The following PPP2R3A variants were observed in gnomAD, a reference collection of about 807,000 sequenced individuals.
PPP2R3A encodes protein phosphatase 2 regulatory subunit B''alpha.
In PPP2R3A, 80 loss-of-function variants were observed where a neutral mutation model predicts 106.9. The observed-to-expected ratio is 0.75, with a 90% CI of 0.62 to 0.90. PPP2R3A has a LOEUF of 0.90. Among genes scored for constraint, PPP2R3A ranks in the 40% least tolerant of loss-of-function variants. PPP2R3A has a pLI of 0.00. For synonymous variants in PPP2R3A, 483 were observed against 468.3 expected, an observed-to-expected ratio of 1.03 and a Z score of -0.41; for missense variants, 1,386 against 1,350.4, an observed-to-expected ratio of 1.03 and a Z score of -0.41.
intron 4 of PPP2R3A, among the ~76,000 whole-genome samples, chr3:136,044,132 T>C (rs918143567): frequency 6.6e-6 from 1 of 152,236 alleles, no homozygotes; most frequent in Non-Finnish European, 1.5e-5. Flanking sequence ...AGGTGGCTCC[T>C]ATTAGCATCT....
At chr3:136,039,419 A>C (rs1353640774) in intron 3 of PPP2R3A, among the ~76,000 whole-genome samples, 1 of 152,182 alleles carries the variant, frequency 6.6e-6, no homozygotes, top group African/African-American at 2.4e-5. Context: ...AGCGGTCCCC[A>C]ACCTTTTTGG....
chr3:136,036,555 C>G (rs1481765924), intron 3 of PPP2R3A, among the ~76,000 whole-genome samples: 1 of 152,204 alleles, frequency 6.6e-6, no homozygotes, highest in East Asian at 1.9e-4. Flanking sequence ...GCACAGCGTC[C>G]TGTGATGTGA....
chr3:136,043,554 C>A (rs1935370294), intron 4 of PPP2R3A, among the ~76,000 whole-genome samples: 1 of 152,186 alleles, frequency 6.6e-6, no homozygotes, highest in Admixed American at 6.5e-5. Context: ...CTCTGTTCCA[C>A]TTCCTTTCCC....
At chr3:136,047,627 C>T (rs764863491) in intron 4 of PPP2R3A, among the ~76,000 whole-genome samples, 4 of 152,146 alleles carry the variant, frequency 2.6e-5, no homozygotes, top group East Asian at 1.9e-4. Flanking sequence ...ACAGGCCGGG[C>T]GTGGTGGCTC....
intron 2 of PPP2R3A, among the ~76,000 whole-genome samples, chr3:136,013,431 A>G (rs146265899): frequency 2.4e-3 from 369 of 152,210 alleles, no homozygotes; most frequent in African/African-American, 8.3e-3. Context: ...GAATTTTCAT[A>G]CTGTTTTCCA....
chr3:136,123,963 C>G (rs934054181), intron 13 of PPP2R3A, among the ~76,000 whole-genome samples: 1 of 152,128 alleles, frequency 6.6e-6, no homozygotes, highest in Non-Finnish European at 1.5e-5. Flanking sequence ...CAGGTGTACA[C>G]AGAACTTTTC....
In PPP2R3A at chr3:136,001,442, T is replaced by G. The variant is rs1933616360; in HGVS notation, c.-57T>G. On this transcript the variant is annotated 5_prime_UTR_variant, in exon 2 of 14. It adds an upstream start codon to the 5' untranslated region. Transcript: ENST00000264977. ...TCAGCTAACTGTCATTTAGGAGAAT[T>G]TTCATGAAACAAGTTCTAGAAAGTT... 18 of 1,426,322 alleles carry G rather than the reference T, an allele frequency of 1.3e-5. No homozygotes were observed. The South Asian group carries it at 2.0e-4, about 15-fold the overall frequency. 88.4% of individuals were successfully genotyped at this position (1,426,322 alleles called of 1,614,324 possible).
rs1268933808 is a variant in PPP2R3A at position 136,002,303 on chromosome 3, G to T, written c.805G>T (p.Asp269Tyr). The T allele has an allele frequency of 6.2e-7, 1 of 1,613,638 alleles. No individual in the cohort carries two copies. The highest frequency in any genetic ancestry group is 1.7e-5 in the Admixed American group (1 of 60,004). The change falls in exon 2 of 14, where the codon GAT becomes TAT. Residue 269 changes from aspartate to tyrosine, a missense_variant. Transcript: ENST00000264977. ...GSSISEGSGN[D>Y]TISSSETVYM... ...TAGCATCAGTGAAGGAAGTGGTAATGATACAATTTCTAGCTCTGAAACTGT... is the reference window on the plus strand; with the variant it reads ...TAGCATCAGTGAAGGAAGTGGTAATTATACAATTTCTAGCTCTGAAACTGT...
intron 4 of PPP2R3A, among the ~76,000 whole-genome samples, chr3:136,041,235 C>CTT (rs1177774219): frequency 7.3e-5 from 3 of 41,374 alleles, no homozygotes; most frequent in African/African-American, 4.0e-4. Context: ...CTTGGTTTTT[C>CTT]TTGTTTTTTT....
intron 13 of PPP2R3A, among the ~76,000 whole-genome samples, chr3:136,144,042 G>A (rs1198686840): frequency 6.6e-6 from 1 of 152,190 alleles, no homozygotes; most frequent in African/African-American, 2.4e-5. Context: ...ATGAGGCTCA[G>A]AGATATAGCC....
At chr3:136,009,517 C>G (rs986699591) in intron 2 of PPP2R3A, among the ~76,000 whole-genome samples, 2 of 152,166 alleles carry the variant, frequency 1.3e-5, no homozygotes, top group African/African-American at 2.4e-5. Flanking sequence ...TTGATCTCCT[C>G]TAATGAGTCT....
chr3:136,039,805 A>G (rs1320000381), intron 3 of PPP2R3A, among the ~76,000 whole-genome samples: 1 of 152,094 alleles, frequency 6.6e-6, no homozygotes, highest in African/African-American at 2.4e-5. Flanking sequence ...GAGAGTTCTT[A>G]CTAAATTTAC....
rs569729256 is a variant in PPP2R3A, at chr3:136,031,037, A to C, written c.2262+3939A>C. ...AGTTCTACTTTTAGTTCTTTAAAGA[A>C]TCTCCACACTGTTTTCCATAGTGGT... On this transcript the variant is annotated intron_variant, in intron 3 of 13. Coordinates refer to ENST00000264977, the MANE Select transcript of PPP2R3A (RefSeq NM_002718.5). Among the ~76,000 whole-genome samples the C allele has an allele frequency of 5.9e-4, 90 of 152,180 alleles. 1 individual carries two copies. Among genetic ancestry groups the C allele is most frequent in the African/African-American group, 2.1e-3 (89 of 41,526 alleles).
intron 4 of PPP2R3A, among the ~76,000 whole-genome samples, chr3:136,042,598 G>A (rs1935325579): frequency 6.6e-6 from 1 of 152,208 alleles, no homozygotes; most frequent in African/African-American, 2.4e-5. Flanking sequence ...AATTTTATCT[G>A]TAAGGAAGAC....
At chr3:136,035,976 G>A (rs184110383) in intron 3 of PPP2R3A, among the ~76,000 whole-genome samples, 1 of 151,206 alleles carries the variant, frequency 6.6e-6, no homozygotes, top group East Asian at 2.0e-4. Context: ...CCTTGTCTTT[G>A]AGCTCTGAAT....
At chr3:136,112,293 A>G (rs1559926991) in intron 13 of PPP2R3A, among the ~76,000 whole-genome samples, 1 of 152,174 alleles carries the variant, frequency 6.6e-6, no homozygotes, top group Non-Finnish European at 1.5e-5. Flanking sequence ...TCCTATCCAG[A>G]GCAATCAGGG....
rs1305172505 is a variant in PPP2R3A, at chr3:136,002,469, C to T, written c.971C>T (p.Pro324Leu). The T allele has an allele frequency of 1.2e-6, 2 of 1,614,106 alleles. No individual in the cohort carries two copies. Among genetic ancestry groups the T allele is most frequent in the African/African-American group, 2.7e-5 (2 of 75,046 alleles). The change falls in exon 2 of 14, where the codon CCA (proline) becomes CTA (leucine). Residue 324 changes from proline (P) to leucine (L), a missense_variant. Coordinates refer to ENST00000264977, the MANE Select transcript of PPP2R3A (RefSeq NM_002718.5). Reference protein sequence around the residue: ...MPSLQLTPFSPVFGTEQPPKY... With the variant: ...MPSLQLTPFSLVFGTEQPPKY... ...AGCTTACAACTGACTCCCTTCTCCCCAGTGTTTGGCACTGAACAACCCCCT... is the reference window on the plus strand; with the variant it reads ...AGCTTACAACTGACTCCCTTCTCCCTAGTGTTTGGCACTGAACAACCCCCT...
Position 136,145,133 on chromosome 3 carries a change from A to G in PPP2R3A, c.3420A>G (p.Lys1140=). 6.2e-7 allele frequency: 1 copy of G among 1,613,576 alleles called. No homozygotes were observed. The highest frequency in any genetic ancestry group is 8.5e-7 in the Non-Finnish European group (1 of 1,179,750). ...TATTAAGTGCAAGCCTTCCAGAGAA[A>G]TGTGGAAAGCTTCAATCAGTGGATG... ...NKILSASLPE[K]CGKLQSVDEE The change falls in exon 14 of 14, where the codon AAA becomes AAG. Residue 1140 remains lysine (K), a synonymous_variant. Transcript: ENST00000264977.
intron 2 of PPP2R3A, among the ~76,000 whole-genome samples, chr3:136,010,495 C>T (rs1447310766): frequency 2.0e-4 from 27 of 134,212 alleles, no homozygotes; most frequent in Admixed American, 9.7e-4. Context: ...GGCGGGATCT[C>T]GGCTCACTGC....
Sources: gnomAD v4.1 joint callset for allele counts (sites outside exome capture counted in the v4.1 genomes callset) on GRCh38, gnomAD v4.1.1 for gene constraint, MANE v1.5 for transcripts, NCBI Gene and HGNC (gene_info 2026-07-23, HGNC 2026-07-21) for gene names.